CDH8: variants seen among roughly 807,000 people sequenced by gnomAD.
CDH8 encodes the protein cadherin-8.
A neutral mutation model predicts 68.1 loss-of-function variants in CDH8; 17 were observed. That is an observed-to-expected ratio of 0.25 (90% confidence interval 0.17 to 0.37). The LOEUF (loss-of-function observed/expected upper bound fraction) is 0.37, where lower values mean the gene tolerates loss of function less well. CDH8 is among the 10% of genes least tolerant of loss of function. The pLI is 1.00. For synonymous variants in CDH8, 372 were observed against 365.1 expected (o/e 1.02, Z -0.21); for missense variants, 763 against 999.3 (o/e 0.76, Z 3.19).
rs1037273265 is a variant in CDH8, at chr16:61,835,225, G to A, written c.668-10046C>T. 9.2e-5 allele frequency among the ~76,000 whole-genome samples: 14 copies of A among 151,914 alleles called. No homozygotes were observed. The East Asian group carries it at 9.7e-4, about 11-fold the overall frequency. ...GGGCTTGAAAGCTTTAAATCAGACC[G>A]CTGAGGATCATTCCACTATCTCAAT... On this transcript the variant is annotated intron_variant, in intron 4 of 11. Transcript: ENST00000577390.
At chr16:61,953,895 T>TTATATA (rs66743095) in intron 2 of CDH8, among the ~76,000 whole-genome samples, 1,651 of 118,742 alleles carry the variant, frequency 0.014, 40 homozygotes, top group African/African-American at 0.038. Flanking sequence ...AAAAAAAACT[T>TTATATA]TATATATATA....
At chr16:61,741,840 C>T (rs1250179053) in intron 8 of CDH8, among the ~76,000 whole-genome samples, 1 of 152,030 alleles carries the variant, frequency 6.6e-6, no homozygotes, top group Non-Finnish European at 1.5e-5. Context: ...CTTTAAATTT[C>T]TATGCACATT....
intron 2 of CDH8, among the ~76,000 whole-genome samples, chr16:61,963,210 A>G (rs1965189506): frequency 6.6e-6 from 1 of 151,976 alleles, no homozygotes; most frequent in Admixed American, 6.6e-5. Flanking sequence ...CATGGTGGGG[A>G]GGGGGGAGAC....
chr16:61,801,666 G>A (rs1191768776), intron 7 of CDH8, among the ~76,000 whole-genome samples: 1 of 152,216 alleles, frequency 6.6e-6, no homozygotes, highest in Non-Finnish European at 1.5e-5. Context: ...AGCGCAAGGG[G>A]TCAGGGAGTT....
At chr16:61,821,961 C>T (rs888803421) in intron 5 of CDH8, among the ~76,000 whole-genome samples, 2 of 151,792 alleles carry the variant, frequency 1.3e-5, no homozygotes, top group African/African-American at 4.8e-5. Context: ...AGGGTTATTG[C>T]GGGCCTTTAG....
Position 61,653,161 on chromosome 16 carries a change from C to T in CDH8, c.*447G>A, listed in dbSNP as rs1963362459. On this transcript the variant is annotated 3_prime_UTR_variant, in exon 12 of 12. Transcript: ENST00000577390. ...ATTGCTTTATCATTTGTGGCGGGAT[C>T]CTTATTGGTGAAGGGGAAAAAACCA... 8.1e-7 allele frequency: 1 copy of T among 1,230,538 alleles called. No homozygotes were observed. The highest frequency in any genetic ancestry group is 2.8e-4 in the Middle Eastern group (1 of 3,634). The allele number at this position is 1,230,538 out of a possible 1,614,324, so 76.2% of individuals were successfully genotyped here.
intron 10 of CDH8, among the ~76,000 whole-genome samples, chr16:61,657,793 T>G (rs1963477615): frequency 6.6e-6 from 1 of 152,124 alleles, no homozygotes. Flanking sequence ...TCTTTCCATA[T>G]TCTCCTTTTG....
chr16:61,884,390 T>G (rs78695309), intron 3 of CDH8, among the ~76,000 whole-genome samples: 2 of 151,154 alleles, frequency 1.3e-5, no homozygotes, highest in Non-Finnish European at 2.9e-5. Context: ...TTTTTTTTTT[T>G]GGAGAGGGAG....
chr16:61,701,174 C>T (rs1464485665), intron 10 of CDH8, among the ~76,000 whole-genome samples: 2 of 152,106 alleles, frequency 1.3e-5, no homozygotes, highest in African/African-American at 4.8e-5. Context: ...GCAAATGGGT[C>T]ACTAGACTAC....
chr16:61,764,305 G>A (rs901685204), intron 8 of CDH8, among the ~76,000 whole-genome samples: 9 of 152,012 alleles, frequency 5.9e-5, no homozygotes, highest in African/African-American at 1.7e-4. Context: ...AAGGGGAATC[G>A]AAAATGAATA....
chr16:61,701,458 TTTTTA>T (rs1964427023), intron 10 of CDH8, among the ~76,000 whole-genome samples: 1 of 152,236 alleles, frequency 6.6e-6, no homozygotes, highest in South Asian at 2.1e-4. Context: ...TTTGAGATAC[TTTTTA>T]TTTTAAAAGT....
At chr16:61,660,251 AT>A (rs1963529266) in intron 10 of CDH8, among the ~76,000 whole-genome samples, 1 of 151,260 alleles carries the variant, frequency 6.6e-6, no homozygotes, top group Non-Finnish European at 1.5e-5. Flanking sequence ...CATGCAAAGA[AT>A]GAAGAAAATA....
intron 8 of CDH8, among the ~76,000 whole-genome samples, chr16:61,735,756 T>C (rs1959661138): frequency 6.6e-6 from 1 of 151,982 alleles, no homozygotes; most frequent in Admixed American, 6.6e-5. Flanking sequence ...CTTTAAAAAT[T>C]AGGAAAAGTA....
At chr16:61,777,532 T>C (rs1281430605) in intron 8 of CDH8, among the ~76,000 whole-genome samples, 1 of 152,098 alleles carries the variant, frequency 6.6e-6, no homozygotes, top group Non-Finnish European at 1.5e-5. Flanking sequence ...CACACTGACA[T>C]CCTAAAGGAA....
chr16:61,849,678 A>G (rs1265262352), intron 4 of CDH8, among the ~76,000 whole-genome samples: 1 of 152,154 alleles, frequency 6.6e-6, no homozygotes, highest in Non-Finnish European at 1.5e-5. Flanking sequence ...TTTCCCAGCA[A>G]TAGTCAAAAT....
chr16:61,990,836 GAA>G (rs1292693852), intron 2 of CDH8, among the ~76,000 whole-genome samples: 3 of 130,140 alleles, frequency 2.3e-5, no homozygotes, highest in African/African-American at 8.4e-5. Flanking sequence ...ATAAAAGAAA[GAA>G]AGAGAGATGG....
At chr16:61,924,673 G>A (rs1345302727) in intron 2 of CDH8, among the ~76,000 whole-genome samples, 1 of 150,462 alleles carries the variant, frequency 6.6e-6, no homozygotes, top group Admixed American at 6.6e-5. Flanking sequence ...ATGAATATTA[G>A]TTTCTGTTTT....
intron 10 of CDH8, among the ~76,000 whole-genome samples, chr16:61,676,377 T>C (rs1444027323): frequency 6.6e-6 from 1 of 151,914 alleles, no homozygotes; most frequent in Non-Finnish European, 1.5e-5. Context: ...AGGGCCATCA[T>C]AATAATGAAA....
intron 10 of CDH8, among the ~76,000 whole-genome samples, chr16:61,704,302 AAT>A (rs1964491018): frequency 1.3e-5 from 2 of 152,336 alleles, no homozygotes; most frequent in South Asian, 4.1e-4. Flanking sequence ...ACTTAAATGA[AAT>A]ATATTCCCAA....
Sources: allele counts gnomAD v4.1 joint callset (sites outside exome capture counted in the v4.1 genomes callset), GRCh38; gene constraint gnomAD v4.1.1; transcripts MANE v1.5; gene names NCBI Gene and HGNC (gene_info 2026-07-23, HGNC 2026-07-21).